BOC: variants seen among roughly 807,000 people sequenced by gnomAD.
The protein encoded by BOC is brother of CDO.
A neutral mutation model predicts 112.0 loss-of-function variants in BOC; 76 were observed. The ratio of observed to expected loss-of-function variants is 0.68; its 90% CI spans 0.56 to 0.82. BOC has a LOEUF of 0.82. Ranked by LOEUF, BOC falls within the 40% of genes least tolerant of loss-of-function variation. BOC has a pLI of 0.00. For missense variants in BOC, 1,309 were observed against 1,511.7 expected (o/e 0.87, Z 2.22); for synonymous variants, 580 against 599.8 (o/e 0.97, Z 0.48).
chr3:113,222,519 G>A (rs75754363), intron 2 of BOC, among the ~76,000 whole-genome samples: 13,559 of 152,254 alleles, frequency 0.089, 642 homozygotes, highest in African/African-American at 0.12. Context: ...AACAGAAAGA[G>A]CCCAGTTTCT....
intron 2 of BOC, among the ~76,000 whole-genome samples, chr3:113,230,794 T>G (rs775957341): frequency 6.6e-6 from 1 of 152,244 alleles, no homozygotes; most frequent in Non-Finnish European, 1.5e-5. Context: ...AGGAAATTAG[T>G]AATTTAGCAG....
intron 11 of BOC, 87 bp from the exon 12 acceptor site, chr3:113,279,162 A>T (rs988821277): frequency 3.6e-6 from 5 of 1,383,882 alleles, no homozygotes; most frequent in Middle Eastern, 2.5e-4. Flanking sequence ...GGCCAGGCCC[A>T]GTGGGCATAC....
intron 2 of BOC, among the ~76,000 whole-genome samples, chr3:113,234,212 C>G (rs1272889411): frequency 6.6e-6 from 1 of 152,116 alleles, no homozygotes; most frequent in Non-Finnish European, 1.5e-5. Flanking sequence ...CTTTTTCCTG[C>G]CTTAACTGAC....
intron 4 of BOC, among the ~76,000 whole-genome samples, chr3:113,260,442 G>C (rs540810547): frequency 1.4e-4 from 22 of 152,266 alleles, no homozygotes; most frequent in Middle Eastern, 3.4e-3. Context: ...GAGATGTTTG[G>C]AGGAAATTCT....
chr3:113,247,619 A>T (rs562354101), intron 2 of BOC, among the ~76,000 whole-genome samples: 11 of 152,060 alleles, frequency 7.2e-5, no homozygotes, highest in African/African-American at 1.9e-4. Flanking sequence ...GGGCAACTTC[A>T]CTTCTGGAAC....
chr3:113,232,856 GT>G (rs1182490473), intron 2 of BOC, among the ~76,000 whole-genome samples: 2 of 152,174 alleles, frequency 1.3e-5, no homozygotes, highest in Non-Finnish European at 2.9e-5. Flanking sequence ...TGTTATAGAT[GT>G]TTACTAATGT....
At chr3:113,254,293 A>G (rs930925134) in intron 4 of BOC, among the ~76,000 whole-genome samples, 1 of 152,148 alleles carries the variant, frequency 6.6e-6, no homozygotes, top group Non-Finnish European at 1.5e-5. Flanking sequence ...CTGACTAGAA[A>G]GAAGAAGTGC....
intron 15 of BOC, among the ~76,000 whole-genome samples, chr3:113,282,805 G>A (rs1307307589): frequency 6.6e-6 from 1 of 152,096 alleles, no homozygotes; most frequent in Admixed American, 6.5e-5. Context: ...GACAGAGTCC[G>A]AAAGCCGGGG....
chr3:113,245,208 T>C (rs1944762206), intron 2 of BOC, among the ~76,000 whole-genome samples: 1 of 152,216 alleles, frequency 6.6e-6, no homozygotes, highest in Non-Finnish European at 1.5e-5. Context: ...CCTTTGTTTT[T>C]TGTATATATT....
At position 113,283,453 on chromosome 3, in the gene BOC, C is replaced by A; in HGVS notation, c.2477C>A (p.Thr826Asn). The stretch of plus-strand genomic sequence containing the variant: ...CAGCCTGGTCGACTGCCACCCCCAA[C>A]TCTGGCCCCACCACAGCCGCCCCTT... ...SGQPGRLPPP[T>N]LAPPQPPLPE... The change falls in exon 16 of 20, where the codon ACT becomes AAT. Residue 826 changes from threonine to asparagine, a missense_variant. Thr to Asn is a moderately conservative substitution (Grantham distance 65). Transcript: ENST00000682979. 1 of 1,613,224 alleles carries A rather than the reference C, an allele frequency of 6.2e-7. No homozygotes were observed. The highest frequency in any genetic ancestry group is 1.1e-5 in the South Asian group (1 of 91,048).
chr3:113,277,342 G>A (rs1451575583), intron 9 of BOC, among the ~76,000 whole-genome samples: 1 of 148,240 alleles, frequency 6.7e-6, no homozygotes, highest in Non-Finnish European at 1.5e-5. Context: ...CAGAGCTGAA[G>A]GGTCAGAGAG....
Position 113,242,132 on chromosome 3 carries a change from A to G in BOC, c.-81-7590A>G, listed in dbSNP as rs191270712. ...TGAGCCCTCCAAAAACAAAAAAAAA[A>G]AAAGAAAAGAGAACGGCCTTCTAGG... On this transcript the variant is annotated intron_variant, in intron 2 of 19. Transcript: ENST00000682979. Among the ~76,000 whole-genome samples, 593 of 152,256 alleles carry G rather than the reference A, an allele frequency of 3.9e-3. 10 individuals carry two copies. The highest frequency in any genetic ancestry group is 0.03 in the Admixed American group (463 of 15,300).
chr3:113,256,511 G>T (rs557250265), intron 4 of BOC, among the ~76,000 whole-genome samples: 1 of 152,216 alleles, frequency 6.6e-6, no homozygotes, highest in African/African-American at 2.4e-5. Context: ...GCACTGACAG[G>T]CTGGGCTGAC....
chr3:113,233,289 G>A (rs947856116), intron 2 of BOC, among the ~76,000 whole-genome samples: 4 of 151,790 alleles, frequency 2.6e-5, no homozygotes, highest in Admixed American at 2.0e-4. Flanking sequence ...CATTCAGTCC[G>A]GGTCACAGCA....
chr3:113,215,025 A>T (rs1015734777), intron 1 of BOC, among the ~76,000 whole-genome samples: 6 of 152,246 alleles, frequency 3.9e-5, no homozygotes, highest in African/African-American at 1.4e-4. Flanking sequence ...AACTTTTGTC[A>T]TCAGACAGCC....
chr3:113,230,363 A>C (rs1026143507), intron 2 of BOC, among the ~76,000 whole-genome samples: 2 of 152,212 alleles, frequency 1.3e-5, no homozygotes, highest in East Asian at 3.8e-4. Flanking sequence ...CATGATTCCA[A>C]CTCAGACTTA....
intron 2 of BOC, among the ~76,000 whole-genome samples, chr3:113,227,208 G>C (rs1941807265): frequency 6.6e-6 from 1 of 152,178 alleles, no homozygotes. Context: ...GTCAATTATG[G>C]TAAGTTGTAT....
chr3:113,220,842 G>A (rs1160567095), intron 2 of BOC, among the ~76,000 whole-genome samples: 2 of 152,186 alleles, frequency 1.3e-5, no homozygotes, highest in African/African-American at 4.8e-5. Context: ...AATAATTCTG[G>A]TTAACATTCT....
intron 2 of BOC, among the ~76,000 whole-genome samples, chr3:113,227,858 C>T (rs1443651065): frequency 1.3e-5 from 2 of 151,848 alleles, no homozygotes; most frequent in African/African-American, 2.4e-5. Context: ...TCAAGACAAA[C>T]AAGTGTTTGG....
Sources: gnomAD v4.1 joint callset for allele counts (sites outside exome capture counted in the v4.1 genomes callset) on GRCh38, gnomAD v4.1.1 for gene constraint, MANE v1.5 for transcripts, NCBI Gene and HGNC (gene_info 2026-07-23, HGNC 2026-07-21) for gene names.